Variants in ANKS1B observed in about 807,000 individuals in gnomAD.
The protein encoded by ANKS1B is ankyrin repeat and sterile alpha motif domain-containing protein 1B.
A neutral mutation model predicts 148.3 loss-of-function variants in ANKS1B; 36 were observed. That is an observed-to-expected ratio of 0.24 (90% CI 0.19 to 0.32). The LOEUF is 0.32. Ranked by LOEUF, ANKS1B falls within the 10% of genes least tolerant of loss-of-function variation. ANKS1B has a pLI of 1.00. For synonymous variants in ANKS1B, 542 were observed against 560.8 expected, an observed-to-expected ratio of 0.97 and a Z score of 0.47; for missense variants, 1,157 against 1,542.6, an observed-to-expected ratio of 0.75 and a Z score of 4.19.
At chr12:99,592,911 C>A (rs1456189162) in intron 9 of ANKS1B, among the ~76,000 whole-genome samples, 2 of 151,988 alleles carry the variant, frequency 1.3e-5, no homozygotes, top group Non-Finnish European at 2.9e-5. Flanking sequence ...GGGGGTGTTC[C>A]AAGCTATAGG....
chr12:99,469,457 A>G (rs1160625260), intron 10 of ANKS1B, among the ~76,000 whole-genome samples: 1 of 152,054 alleles, frequency 6.6e-6, no homozygotes, highest in Non-Finnish European at 1.5e-5. Context: ...AAAATTTAAA[A>G]AAAAATTCAA....
intron 1 of ANKS1B, among the ~76,000 whole-genome samples, chr12:99,839,164 G>A (rs1296342877): frequency 3.9e-5 from 6 of 152,134 alleles, no homozygotes; most frequent in Middle Eastern, 3.4e-3. Context: ...TCACTTGAGC[G>A]TAGGAGTTTC....
chr12:99,041,008 G>A lies in ANKS1B; in HGVS notation c.2778+12149C>T, dbSNP rs774132307. 5.9e-5 allele frequency among the ~76,000 whole-genome samples: 9 copies of A among 152,198 alleles called. No individual in the cohort carries two copies. The South Asian group carries it at 6.2e-4, about 11-fold the overall frequency. The stretch of plus-strand genomic sequence containing the variant: ...ATGCGAATAATACACTTGAGATGAC[G>A]TTGTGAGTTGAGAGCCTGGACCTCA... On this transcript the variant is annotated intron_variant, in intron 17 of 26. Coordinates refer to ENST00000683438, the MANE Select transcript of ANKS1B (RefSeq NM_001352186.2).
intron 1 of ANKS1B, among the ~76,000 whole-genome samples, chr12:99,931,584 CAAAATAAA>C (rs2094616897): frequency 6.6e-6 from 1 of 151,876 alleles, no homozygotes; most frequent in Non-Finnish European, 1.5e-5. Context: ...ATGTGTCTAT[CAAAATAAA>C]ATTAGAGTTA....
At chr12:98,898,202 A>T (rs533197342) in intron 17 of ANKS1B, among the ~76,000 whole-genome samples, 20 of 152,332 alleles carry the variant, frequency 1.3e-4, no homozygotes, top group African/African-American at 4.3e-4. Flanking sequence ...AAATAAAAAT[A>T]AAAAATAAAC....
chr12:99,358,010 T>G (rs1311569938), intron 12 of ANKS1B, among the ~76,000 whole-genome samples: 4 of 152,134 alleles, frequency 2.6e-5, no homozygotes, highest in Non-Finnish European at 5.9e-5. Context: ...ATACTATTCT[T>G]CAAATTGTCT....
chr12:98,785,665 C>T lies in ANKS1B; in HGVS notation c.3343-3528G>A, dbSNP rs191846768. Among the ~76,000 whole-genome samples the T allele has an allele frequency of 2.5e-3, 383 of 152,130 alleles. 1 individual carries two copies. The highest frequency in any genetic ancestry group is 4.6e-3 in the Non-Finnish European group (310 of 67,990). The stretch of plus-strand genomic sequence containing the variant: ...AGTCCCTCCTTCCCCATTTTCTCTT[C>T]GGTGTTATGATCATCATTCTTTTCT... On this transcript the variant is annotated intron_variant, in intron 22 of 26. Transcript: ENST00000683438.
chr12:99,017,257 T>G (rs2099943121), intron 17 of ANKS1B, among the ~76,000 whole-genome samples: 1 of 152,158 alleles, frequency 6.6e-6, no homozygotes, highest in Non-Finnish European at 1.5e-5. Flanking sequence ...TAGTTTATAG[T>G]TTTACCTTAA....
At chr12:99,854,747 C>T (rs1223673002) in intron 1 of ANKS1B, among the ~76,000 whole-genome samples, 1 of 152,132 alleles carries the variant, frequency 6.6e-6, no homozygotes, top group Non-Finnish European at 1.5e-5. Context: ...TATCTTTAGC[C>T]TCCTTAATCA....
chr12:99,388,652 C>T (rs1386796894), intron 12 of ANKS1B, among the ~76,000 whole-genome samples: 1 of 152,160 alleles, frequency 6.6e-6, no homozygotes, highest in South Asian at 2.1e-4. Flanking sequence ...GTCTGGGTGG[C>T]TTAACTGGGC....
At chr12:99,741,244 C>T (rs569357481) in intron 8 of ANKS1B, among the ~76,000 whole-genome samples, 18 of 146,794 alleles carry the variant, frequency 1.2e-4, no homozygotes, top group African/African-American at 4.2e-4. Context: ...CACACACACA[C>T]ATCAGGAAAC....
intron 17 of ANKS1B, among the ~76,000 whole-genome samples, chr12:99,046,409 G>A (rs2099962354): frequency 6.6e-6 from 1 of 152,128 alleles, no homozygotes; most frequent in Non-Finnish European, 1.5e-5. Context: ...GTTACAATTA[G>A]AAGACAAAGA....
chr12:99,615,286 T>A (rs73383775), intron 9 of ANKS1B, among the ~76,000 whole-genome samples: 1,740 of 150,606 alleles, frequency 0.012, 36 homozygotes, highest in African/African-American at 0.041. Context: ...ATATGACTTG[T>A]TGTCCTTTCT....
At position 99,946,627 on chromosome 12, in the gene ANKS1B, A is replaced by G. The variant is rs149066822; in HGVS notation, c.134+37477T>C. Among the ~76,000 whole-genome samples the G allele has an allele frequency of 2.7e-3, 410 of 152,250 alleles. 1 individual carries two copies. The highest frequency in any genetic ancestry group is 9.5e-3 in the African/African-American group (394 of 41,552). Reference sequence around the variant, plus strand: ...AATTTTGGGCAATGGATATGATTCCATCTATATCTGAGTGTTTTCTCCCAC... The same window carrying G: ...AATTTTGGGCAATGGATATGATTCCGTCTATATCTGAGTGTTTTCTCCCAC... On this transcript the variant is annotated intron_variant, in intron 1 of 26. Transcript: ENST00000683438.
intron 11 of ANKS1B, among the ~76,000 whole-genome samples, chr12:99,429,212 A>T (rs746096300): frequency 2.4e-4 from 37 of 152,350 alleles, no homozygotes; most frequent in Admixed American, 5.9e-4. Context: ...TCTGAAAGAA[A>T]CCACCTTAAT....
chr12:99,338,379 CTTG>C (rs1240572342), intron 12 of ANKS1B, among the ~76,000 whole-genome samples: 2 of 152,114 alleles, frequency 1.3e-5, no homozygotes, highest in Non-Finnish European at 2.9e-5. Context: ...CTTCAGTTAG[CTTG>C]TGGTGAATGC....
intron 10 of ANKS1B, among the ~76,000 whole-genome samples, chr12:99,471,283 T>C (rs1053707919): frequency 1.1e-4 from 17 of 152,086 alleles, no homozygotes; most frequent in Non-Finnish European, 1.0e-4. Flanking sequence ...TTTTTGTTGT[T>C]GTTAACAAAA....
chr12:99,813,688 TA>T (rs1463424428), intron 2 of ANKS1B, among the ~76,000 whole-genome samples: 2 of 151,596 alleles, frequency 1.3e-5, no homozygotes, highest in African/African-American at 4.8e-5. Context: ...ATCATGATTT[TA>T]AAAAAACAAG....
chr12:98,750,778 G>A (rs932737116), intron 26 of ANKS1B, among the ~76,000 whole-genome samples: 10 of 152,212 alleles, frequency 6.6e-5, no homozygotes, highest in South Asian at 2.1e-4. Flanking sequence ...GAAATTCCTG[G>A]AGGAAGGCAG....
Sources: gnomAD v4.1 joint callset for allele counts (sites outside exome capture counted in the v4.1 genomes callset) on GRCh38, gnomAD v4.1.1 for gene constraint, MANE v1.5 for transcripts, NCBI Gene and HGNC (gene_info 2026-07-23, HGNC 2026-07-21) for gene names.